Variants in HMMR observed in about 807,000 individuals in gnomAD.
HMMR encodes the protein hyaluronan mediated motility receptor.
In HMMR, 108 loss-of-function variants were observed where a neutral mutation model predicts 101.0. The ratio of observed to expected loss-of-function variants is 1.07; its 90% CI spans 0.92 to 1.25. The LOEUF (loss-of-function observed/expected upper bound fraction) is 1.25, where lower values mean the gene tolerates loss of function less well. Among genes scored for constraint, HMMR ranks in the 50% most tolerant of loss-of-function variants. The pLI, the probability that HMMR is intolerant of heterozygous loss-of-function variation, is 0.00. For missense variants in HMMR, 813 were observed against 788.7 expected, an observed-to-expected ratio of 1.03 and a Z score of -0.37; for synonymous variants, 296 against 276.4, an observed-to-expected ratio of 1.07 and a Z score of -0.70.
At chr5:163,482,508 C>T (rs1360348304) in intron 12 of HMMR, 134 bp from the exon 13 acceptor site, 2 of 626,106 alleles carry the variant, frequency 3.2e-6, no homozygotes, top group South Asian at 4.3e-5. Flanking sequence ...TGAATTCTTA[C>T]CTGTGTTAAA....
At chr5:163,483,886 T>C (rs1759371610) in intron 15 of HMMR, among the ~76,000 whole-genome samples, 183 bp from the exon 16 acceptor site, 1 of 152,146 alleles carries the variant, frequency 6.6e-6, no homozygotes, top group Admixed American at 6.5e-5. Context: ...TTTAATGATC[T>C]TTAAAATGAA....
At position 163,471,474 on chromosome 5, in the gene HMMR, G is replaced by C; in HGVS notation, c.650+11G>C. 1 of 1,547,804 alleles carries C rather than the reference G, an allele frequency of 6.5e-7. No homozygotes were observed. Among genetic ancestry groups the C allele is most frequent in the Non-Finnish European group, 8.9e-7 (1 of 1,121,290 alleles). On this transcript the variant is annotated intron_variant, in intron 7 of 17. Transcript: ENST00000393915. The stretch of plus-strand genomic sequence containing the variant: ...ACTGGAGGGAAAACTGTAAGTGAGT[G>C]AATGTGAAGAGAAATTGTTAAGTGG...
rs957442603 is a variant in HMMR at position 163,483,436 on chromosome 5, G to A, written c.1785+69G>A. Reference sequence around the variant, plus strand: ...CTCACTTTGTTCCCTATTATAGTGAGGACAGTGACTCGGGTTTTCTGCAAG... The same window carrying A: ...CTCACTTTGTTCCCTATTATAGTGAAGACAGTGACTCGGGTTTTCTGCAAG... On this transcript the variant is annotated intron_variant, in intron 15 of 17. Coordinates refer to ENST00000393915, the MANE Select transcript of HMMR (RefSeq NM_001142556.2). 6.3e-6 allele frequency: 5 copies of A among 792,866 alleles called. No homozygotes were observed. In the African/African-American group the frequency reaches 7.0e-5, roughly 11 times the overall value. 49.1% of individuals were successfully genotyped at this position (792,866 alleles called of 1,614,324 possible). A position where few individuals can be genotyped will look rare whatever the true frequency, so the allele number is the denominator to read the frequency against.
At position 163,482,695 on chromosome 5, in the gene HMMR, C is replaced by A; in HGVS notation, c.1439C>A (p.Ser480Ter). ...EIEDLKLENSSLQEKAAKAGK... is the reference protein window; with the variant it reads ...EIEDLKLENS The stretch of plus-strand genomic sequence containing the variant: ...GAAGATCTTAAGCTGGAGAACTCAT[C>A]ATTACAGGAAAAAGCGGCCAAGGCT... Residue 480 changes from serine to a stop codon, truncating the protein, a stop_gained, in exon 13 of 18, where the codon TCA (serine) becomes TAA (stop). Coordinates refer to ENST00000393915, the MANE Select transcript of HMMR (RefSeq NM_001142556.2). LOFTEE classifies it high-confidence loss of function. 6.2e-7 allele frequency: 1 copy of A among 1,612,672 alleles called. No homozygotes were observed. The highest frequency in any genetic ancestry group is 1.1e-5 in the South Asian group (1 of 91,042).
At chr5:163,470,529 A>G (rs553513931) in intron 5 of HMMR, among the ~76,000 whole-genome samples, 64 of 152,132 alleles carry the variant, frequency 4.2e-4, no homozygotes, top group Non-Finnish European at 8.5e-4. Flanking sequence ...AGGCTGAGGC[A>G]TGAGAATAGC....
intron 3 of HMMR, 86 bp from the exon 4 acceptor site, chr5:163,467,615 A>G: frequency 4.2e-6 from 3 of 716,898 alleles, no homozygotes; most frequent in Admixed American, 2.2e-5. Context: ...GGATCCCTTC[A>G]TCTTTTCTGA....
chr5:163,462,876 GACAA>G (rs1446968426), intron 1 of HMMR, among the ~76,000 whole-genome samples: 1 of 148,080 alleles, frequency 6.8e-6, no homozygotes, highest in African/African-American at 2.5e-5. Context: ...TCTACTGTTT[GACAA>G]ACATTTAGGG....
rs753500233 is a variant in HMMR, at chr5:163,491,189, T to G, written c.*25T>G. 8.9e-6 allele frequency: 12 copies of G among 1,351,046 alleles called. No homozygotes were observed. The South Asian group carries it at 1.5e-4, about 17-fold the overall frequency. 83.7% of individuals were successfully genotyped at this position (1,351,046 alleles called of 1,614,324 possible). Reference sequence around the variant, plus strand: ...AACATCTGAGAAACCTGTTGAAGATTATTTCATTCGTCTTGTTGTTATTGA... The same window carrying G: ...AACATCTGAGAAACCTGTTGAAGATGATTTCATTCGTCTTGTTGTTATTGA... On this transcript the variant is annotated 3_prime_UTR_variant, in exon 18 of 18. Coordinates refer to ENST00000393915, the MANE Select transcript of HMMR (RefSeq NM_001142556.2).
At chr5:163,488,408 C>A (rs1293386964) in intron 16 of HMMR, among the ~76,000 whole-genome samples, 5 of 152,128 alleles carry the variant, frequency 3.3e-5, no homozygotes, top group African/African-American at 1.2e-4. Flanking sequence ...TGTTTATTGG[C>A]ATGCCTTGTA....
In HMMR at chr5:163,483,182, G is replaced by T; in HGVS notation, c.1685+10G>T. On this transcript the variant is annotated intron_variant, in intron 14 of 17. Coordinates refer to ENST00000393915, the MANE Select transcript of HMMR (RefSeq NM_001142556.2). Reference sequence around the variant, plus strand: ...AAGATGAAGAAGGAAGGTAATCTATGATTAGAACCTGAGTGCCTTGTTAAC... The same window carrying T: ...AAGATGAAGAAGGAAGGTAATCTATTATTAGAACCTGAGTGCCTTGTTAAC... 6.2e-7 allele frequency: 1 copy of T among 1,608,662 alleles called. No homozygotes were observed. Among genetic ancestry groups the T allele is most frequent in the South Asian group, 1.1e-5 (1 of 90,218 alleles).
At chr5:163,464,837 G>C (rs1384058009) in intron 3 of HMMR, 35 bp downstream of exon 3, 1 of 1,302,622 alleles carries the variant, frequency 7.7e-7, no homozygotes, top group Non-Finnish European at 1.1e-6. Context: ...GGTTTATCAA[G>C]TGTATCATCA....
rs2113505205 is a variant in HMMR at position 163,482,723 on chromosome 5, G to A, written c.1467G>A (p.Gly489=). Residue 489 remains glycine, a synonymous_variant, in exon 13 of 18, where the codon GGG becomes GGA. Transcript: ENST00000393915. Reference sequence around the variant, plus strand: ...TACAGGAAAAAGCGGCCAAGGCTGGGAAAAATGCAGAGGATGTTCAGCATC... The same window carrying A: ...TACAGGAAAAAGCGGCCAAGGCTGGAAAAAATGCAGAGGATGTTCAGCATC... ...SSLQEKAAKA[G]KNAEDVQHQI... is the part of the protein sequence containing the mutation. The A allele has an allele frequency of 6.2e-7, 1 of 1,613,618 alleles. No individual in the cohort carries two copies. The highest frequency in any genetic ancestry group is 8.5e-7 in the Non-Finnish European group (1 of 1,179,584).
chr5:163,460,898 A>G (rs1195951663), intron 1 of HMMR, among the ~76,000 whole-genome samples, 160 bp downstream of exon 1: 2 of 152,140 alleles, frequency 1.3e-5, no homozygotes, highest in Non-Finnish European at 2.9e-5. Flanking sequence ...CATCTGTTAC[A>G]TGCCAAGCAC....
rs1356734310 is a variant in HMMR, at chr5:163,469,769, T to G, written c.402T>G (p.Asn134Lys). 1 of 1,612,722 alleles carries G rather than the reference T, an allele frequency of 6.2e-7. No individual in the cohort carries two copies. Among genetic ancestry groups the G allele is most frequent in the Non-Finnish European group, 8.5e-7 (1 of 1,178,766 alleles). Reference sequence around the variant, plus strand: ...AAAAAACATCTCTCTCTGCAAATAATGCTACACTGGAAAAACAACTTATTG... The same window carrying G: ...AAAAAACATCTCTCTCTGCAAATAAGGCTACACTGGAAAAACAACTTATTG... ...LREKTSLSAN[N>K]ATLEKQLIEL... is the part of the protein sequence containing the mutation. The change falls in exon 5 of 18, where the codon AAT (asparagine) becomes AAG (lysine). Residue 134 changes from asparagine (N) to lysine (K), a missense_variant. Physicochemically the swap from Asn to Lys is moderately conservative, Grantham distance 94. Transcript: ENST00000393915.
Position 163,473,144 on chromosome 5 carries a change from C to T in HMMR, c.651-35C>T, listed in dbSNP as rs375070419. The T allele has an allele frequency of 1.9e-5, 21 of 1,091,116 alleles. No individual in the cohort carries two copies. The African/African-American group carries it at 2.2e-4, about 11-fold the overall frequency. 67.6% of individuals were successfully genotyped at this position (1,091,116 alleles called of 1,614,324 possible). On this transcript the variant is annotated intron_variant, in intron 7 of 17. Coordinates refer to ENST00000393915, the MANE Select transcript of HMMR (RefSeq NM_001142556.2). ...TATGTAAGATTATTAAATAACGAAA[C>T]TAGAATGTATTAACATATGCAATTT...
intron 1 of HMMR, among the ~76,000 whole-genome samples, chr5:163,463,372 T>C (rs1453340996): frequency 6.6e-6 from 1 of 152,232 alleles, no homozygotes; most frequent in Non-Finnish European, 1.5e-5. Context: ...TGTGTTTGAA[T>C]TGCAGTTGAC....
chr5:163,464,685 G>T, intron 2 of HMMR, 38 bp from the exon 3 acceptor site: 1 of 1,321,052 alleles, frequency 7.6e-7, no homozygotes, highest in South Asian at 1.2e-5. Flanking sequence ...AAAACACATT[G>T]ACATCAACCA....
intron 1 of HMMR, among the ~76,000 whole-genome samples, chr5:163,462,736 G>C (rs1758578751): frequency 6.7e-6 from 1 of 150,186 alleles, no homozygotes; most frequent in African/African-American, 2.5e-5. Context: ...GCTGAGGCAG[G>C]AGAATCGCTT....
Position 163,483,079 on chromosome 5 carries a change from C to A in HMMR, c.1592C>A (p.Thr531Lys), listed in dbSNP as rs1198436913. 6.2e-6 allele frequency: 10 copies of A among 1,610,936 alleles called. No individual in the cohort carries two copies. The highest frequency in any genetic ancestry group is 8.5e-6 in the Non-Finnish European group (10 of 1,177,744). ...AAGGAAACAGAAATTAAAGAAATCA[C>A]AGTTTCTTTTCTTCAAAAAATAACT... The part of the protein sequence containing the change: ...ALKETEIKEI[T>K]VSFLQKITDL... The change falls in exon 14 of 18, where the codon ACA becomes AAA. Residue 531 changes from threonine to lysine, a missense_variant. Thr to Lys is a moderately conservative substitution (Grantham distance 78). Transcript: ENST00000393915.
Sources: allele counts gnomAD v4.1 joint callset (sites outside exome capture counted in the v4.1 genomes callset), GRCh38; gene constraint gnomAD v4.1.1; transcripts MANE v1.5; gene names NCBI Gene and HGNC (gene_info 2026-07-23, HGNC 2026-07-21).